Variants in GALNT17 observed in about 807,000 individuals in gnomAD.
The protein encoded by GALNT17 is UDP-GalNAc:polypeptide N-acetylgalactosaminyltransferase-like 3.
Under a neutral mutation model 63.7 loss-of-function variants are expected in GALNT17, and 29 were observed. The ratio of observed to expected loss-of-function variants is 0.46; its 90% CI spans 0.34 to 0.62. GALNT17 has a LOEUF of 0.62. Ranked by LOEUF, GALNT17 falls within the 20% of genes least tolerant of loss-of-function variation. The pLI is 0.01. For synonymous variants in GALNT17, 305 were observed against 318.3 expected (o/e 0.96, Z 0.45); for missense variants, 603 against 799.6 (o/e 0.75, Z 2.97).
rs202045148 is a variant in GALNT17, at chr7:71,383,664, C to G, written c.423-4571C>G. 5.3e-5 allele frequency among the ~76,000 whole-genome samples: 8 copies of G among 152,114 alleles called. No individual in the cohort carries two copies. The East Asian group carries it at 1.4e-3, about 26-fold the overall frequency. ...CCCCAAGCTGGTCTTGAACTCCTGG[C>G]CTCTAGCACTCTTCCCACCTTGGCG... On this transcript the variant is annotated intron_variant, in intron 2 of 10. Coordinates refer to ENST00000333538, the MANE Select transcript of GALNT17 (RefSeq NM_022479.3).
intron 5 of GALNT17, among the ~76,000 whole-genome samples, chr7:71,525,736 CTT>C (rs71089950): frequency 3.5e-3 from 261 of 75,024 alleles, no homozygotes; most frequent in African/African-American, 9.7e-3. Context: ...TATGTCTTTT[CTT>C]TTTTTTTTTT....
intron 5 of GALNT17, among the ~76,000 whole-genome samples, chr7:71,428,631 G>T (rs1033114628): frequency 2.0e-5 from 3 of 152,012 alleles, no homozygotes; most frequent in African/African-American, 7.2e-5. Context: ...TAGAGACGAG[G>T]TTTCACCATG....
At chr7:71,399,441 A>T (rs775819995) in intron 3 of GALNT17, among the ~76,000 whole-genome samples, 2 of 152,082 alleles carry the variant, frequency 1.3e-5, no homozygotes, top group African/African-American at 2.4e-5. Context: ...TTAGCTTGGG[A>T]TCATCTGTCA....
At chr7:71,338,358 A>AT (rs1563015141) in intron 2 of GALNT17, among the ~76,000 whole-genome samples, 4 of 147,986 alleles carry the variant, frequency 2.7e-5, no homozygotes, top group Admixed American at 6.8e-5. Flanking sequence ...AAAATAAATA[A>AT]ATATATATAT....
intron 5 of GALNT17, among the ~76,000 whole-genome samples, chr7:71,495,903 AG>A (rs1438312390): frequency 6.6e-6 from 1 of 152,194 alleles, no homozygotes; most frequent in Non-Finnish European, 1.5e-5. Flanking sequence ...AGGTGCCACC[AG>A]GGCAGATGTA....
At chr7:71,152,951 A>G (rs1182387844) in intron 1 of GALNT17, among the ~76,000 whole-genome samples, 1 of 152,138 alleles carries the variant, frequency 6.6e-6, no homozygotes, top group Non-Finnish European at 1.5e-5. Context: ...TTAGAGAGTA[A>G]GTTCACAGGT....
chr7:71,274,436 C>T (rs1047299664), intron 1 of GALNT17, among the ~76,000 whole-genome samples: 1 of 152,044 alleles, frequency 6.6e-6, no homozygotes, highest in African/African-American at 2.4e-5. Context: ...TGCGCCACCA[C>T]ACCTGGCCAA....
chr7:71,488,410 A>G (rs372963180), intron 5 of GALNT17, among the ~76,000 whole-genome samples: 1 of 151,948 alleles, frequency 6.6e-6, no homozygotes, highest in African/African-American at 2.4e-5. Flanking sequence ...GACAAAAATC[A>G]CCTTCTGCAC....
chr7:71,486,883 A>C (rs570075282), intron 5 of GALNT17, among the ~76,000 whole-genome samples: 57 of 151,968 alleles, frequency 3.8e-4, no homozygotes, highest in African/African-American at 1.1e-3. Context: ...ACAAAAAAAA[A>C]CGCACTTCTT....
intron 3 of GALNT17, among the ~76,000 whole-genome samples, chr7:71,409,057 A>C (rs1159537016): frequency 1.1e-5 from 1 of 95,102 alleles, no homozygotes; most frequent in Non-Finnish European, 2.4e-5. Flanking sequence ...CACACATTTA[A>C]ATATATCTAT....
chr7:71,281,528 C>T (rs893940004), intron 1 of GALNT17, among the ~76,000 whole-genome samples: 2 of 152,164 alleles, frequency 1.3e-5, no homozygotes, highest in Non-Finnish European at 1.5e-5. Context: ...TATGATGTCC[C>T]AGAGAGTGCA....
chr7:71,530,367 TCTC>T (rs1788697033), intron 5 of GALNT17, among the ~76,000 whole-genome samples: 1 of 152,124 alleles, frequency 6.6e-6, no homozygotes, highest in African/African-American at 2.4e-5. Context: ...CACATTTACT[TCTC>T]CTAAAGACTT....
At chr7:71,697,574 G>C (rs1206351548) in intron 9 of GALNT17, among the ~76,000 whole-genome samples, 1 of 152,102 alleles carries the variant, frequency 6.6e-6, no homozygotes, top group Non-Finnish European at 1.5e-5. Flanking sequence ...TAAACTCAGA[G>C]AATAATGCAT....
chr7:71,636,095 C>G (rs901092365), intron 6 of GALNT17, among the ~76,000 whole-genome samples: 3 of 152,306 alleles, frequency 2.0e-5, no homozygotes, highest in Non-Finnish European at 2.9e-5. Flanking sequence ...CTGGTTCAAA[C>G]GCCTCTGACA....
intron 5 of GALNT17, among the ~76,000 whole-genome samples, chr7:71,484,991 T>G (rs918467745): frequency 8.7e-6 from 1 of 115,384 alleles, no homozygotes; most frequent in Non-Finnish European, 1.8e-5. Flanking sequence ...TTTTTTTTAG[T>G]AGAGGCAAGG....
intron 6 of GALNT17, among the ~76,000 whole-genome samples, chr7:71,583,901 G>A (rs1362323854): frequency 6.6e-6 from 1 of 151,874 alleles, no homozygotes; most frequent in African/African-American, 2.4e-5. Context: ...GAGGCAGGTG[G>A]ATCACGAGGT....
chr7:71,689,830 G>A lies in GALNT17; in HGVS notation c.1500+12524G>A, dbSNP rs986226598. 2.6e-5 allele frequency among the ~76,000 whole-genome samples: 4 copies of A among 152,154 alleles called. No individual in the cohort carries two copies. In the East Asian group the frequency reaches 7.7e-4, roughly 29 times the overall value. ...CATGCCTGGCTTCAAAGCCTCAAAG[G>A]ACAGCCTGACTCTCCTGTGAGAGGC... is the stretch of plus-strand genomic sequence containing the variant. On this transcript the variant is annotated intron_variant, in intron 9 of 10. Transcript: ENST00000333538.
At chr7:71,585,407 A>G (rs967877516) in intron 6 of GALNT17, among the ~76,000 whole-genome samples, 3 of 152,124 alleles carry the variant, frequency 2.0e-5, no homozygotes, top group Non-Finnish European at 4.4e-5. Context: ...TAGACTCTAC[A>G]CTCATTCTGC....
intron 6 of GALNT17, among the ~76,000 whole-genome samples, chr7:71,571,850 C>CA (rs1365469306): frequency 6.6e-6 from 1 of 151,640 alleles, no homozygotes; most frequent in Non-Finnish European, 1.5e-5. Context: ...CCTGTCTCTA[C>CA]AAAAAATAAA....
Sources: allele counts gnomAD v4.1 joint callset (sites outside exome capture counted in the v4.1 genomes callset), GRCh38; gene constraint gnomAD v4.1.1; transcripts MANE v1.5; gene names NCBI Gene and HGNC (gene_info 2026-07-23, HGNC 2026-07-21).